The following CCDC178 variants were observed in gnomAD, a reference collection of about 807,000 sequenced individuals.
CCDC178 encodes coiled-coil domain containing 178.
In CCDC178, 126 loss-of-function variants were observed where a neutral mutation model predicts 117.4. The observed-to-expected ratio is 1.07, with a 90% CI of 0.93 to 1.24. The LOEUF (loss-of-function observed/expected upper bound fraction) is 1.24, where lower values mean the gene tolerates loss of function less well. CCDC178 is among the 50% of genes most tolerant of loss of function. CCDC178 has a pLI of 0.00. For missense variants in CCDC178, 1,030 were observed against 986.9 expected, an observed-to-expected ratio of 1.04 and a Z score of -0.59; for synonymous variants, 283 against 313.4, an observed-to-expected ratio of 0.90 and a Z score of 1.02.
At chr18:33,129,601 T>C (rs2058047528) in intron 20 of CCDC178, among the ~76,000 whole-genome samples, 1 of 151,960 alleles carries the variant, frequency 6.6e-6, no homozygotes, top group Non-Finnish European at 1.5e-5. Flanking sequence ...ATGCTAAAAC[T>C]TGGATATGGT....
intron 21 of CCDC178, among the ~76,000 whole-genome samples, chr18:33,088,176 T>C (rs1258949792): frequency 6.6e-6 from 1 of 151,388 alleles, no homozygotes; most frequent in Non-Finnish European, 1.5e-5. Flanking sequence ...CACATTTCTA[T>C]GTCTTCTATA....
At chr18:33,222,486 G>A (rs156365) in intron 18 of CCDC178, among the ~76,000 whole-genome samples, 24,431 of 151,974 alleles carry the variant, frequency 0.16, 2,740 homozygotes, top group African/African-American at 0.32. Flanking sequence ...GTCTCATGAA[G>A]CTTCACCCTC....
chr18:33,073,064 C>T (rs1475620393), intron 21 of CCDC178, among the ~76,000 whole-genome samples: 1 of 152,092 alleles, frequency 6.6e-6, no homozygotes, highest in African/African-American at 2.4e-5. Flanking sequence ...AAATTTATTT[C>T]TCAGTGCTCA....
rs371866883 is a variant in CCDC178, at chr18:33,333,391, T to G, written c.662A>C (p.His221Pro). 21 of 1,565,740 alleles carry G rather than the reference T, an allele frequency of 1.3e-5. No homozygotes were observed. The highest frequency in any genetic ancestry group is 1.8e-5 in the Non-Finnish European group (21 of 1,142,416). The change falls in exon 10 of 23, where the codon CAT becomes CCT. Residue 221 changes from histidine (H) to proline (P), a missense_variant. Transcript: ENST00000383096. ...QELPLAVQKE[H>P]EAYLSDVIEL... ...TATAACATCACTCAAATAGGCCTCATGTTCTAGATATAGAAGGATAAGAAC... is the reference window on the plus strand; with the variant it reads ...TATAACATCACTCAAATAGGCCTCAGGTTCTAGATATAGAAGGATAAGAAC...
chr18:33,415,772 A>T (rs2063931702), intron 2 of CCDC178, among the ~76,000 whole-genome samples: 1 of 152,168 alleles, frequency 6.6e-6, no homozygotes, highest in Admixed American at 6.5e-5. Context: ...TTTTGGGAAG[A>T]TGGAATAGAT....
intron 21 of CCDC178, among the ~76,000 whole-genome samples, chr18:32,986,450 C>G (rs1277525753): frequency 6.6e-6 from 1 of 152,026 alleles, no homozygotes; most frequent in Non-Finnish European, 1.5e-5. Context: ...AGATGAAGAT[C>G]TATTAACTTC....
chr18:33,303,020 C>T (rs1730820042), intron 11 of CCDC178, among the ~76,000 whole-genome samples: 3 of 152,078 alleles, frequency 2.0e-5, no homozygotes, highest in East Asian at 3.9e-4. Flanking sequence ...GGAATGTTCC[C>T]AACATGAGAA....
intron 7 of CCDC178, among the ~76,000 whole-genome samples, chr18:33,353,037 T>C (rs1265408141): frequency 6.6e-6 from 1 of 152,108 alleles, no homozygotes; most frequent in African/African-American, 2.4e-5. Context: ...TGTAGAACAG[T>C]CTATTATTCC....
intron 15 of CCDC178, among the ~76,000 whole-genome samples, chr18:33,234,721 C>A (rs1008345252): frequency 6.6e-6 from 1 of 152,040 alleles, no homozygotes; most frequent in Non-Finnish European, 1.5e-5. Context: ...AATGGTCAAT[C>A]TTAGCCATTA....
At chr18:33,220,929 A>T (rs1002915098) in intron 18 of CCDC178, among the ~76,000 whole-genome samples, 1 of 151,906 alleles carries the variant, frequency 6.6e-6, no homozygotes, top group Non-Finnish European at 1.5e-5. Context: ...TACCAAGGAT[A>T]CTCTCTTAAG....
rs185835309 is a variant in CCDC178 at position 33,393,751 on chromosome 18, G to A, written c.118+3398C>T. Among the ~76,000 whole-genome samples the A allele has an allele frequency of 3.4e-3, 510 of 152,074 alleles. 14 individuals carry two copies. Among genetic ancestry groups the A allele is most frequent in the Admixed American group, 0.032 (491 of 15,272 alleles). On this transcript the variant is annotated intron_variant, in intron 4 of 22. Coordinates refer to ENST00000383096, the MANE Select transcript of CCDC178 (RefSeq NM_001105528.4). ...CTATTTTTCTGCTGATGGACATTTA[G>A]GTTGTTTCCAGTTTTCACTGTTATG...
At chr18:33,077,259 T>G (rs1035837517) in intron 21 of CCDC178, among the ~76,000 whole-genome samples, 1 of 152,180 alleles carries the variant, frequency 6.6e-6, no homozygotes, top group African/African-American at 2.4e-5. Context: ...GACTGCTAGC[T>G]CTGGTTCCCA....
intron 14 of CCDC178, among the ~76,000 whole-genome samples, chr18:33,261,146 C>G (rs1359152531): frequency 6.6e-6 from 1 of 151,912 alleles, no homozygotes; most frequent in Admixed American, 6.6e-5. Flanking sequence ...TGCAGTGGCA[C>G]GAGCTCGGCT....
chr18:33,005,811 C>A (rs966275105), intron 21 of CCDC178, among the ~76,000 whole-genome samples: 2 of 151,880 alleles, frequency 1.3e-5, no homozygotes, highest in Admixed American at 6.6e-5. Flanking sequence ...TCTGTGTACA[C>A]AAAGAAAGTA....
At chr18:33,393,383 TG>T (rs1451331687) in intron 4 of CCDC178, among the ~76,000 whole-genome samples, 3 of 152,158 alleles carry the variant, frequency 2.0e-5, no homozygotes, top group Non-Finnish European at 4.4e-5. Flanking sequence ...ATAGCATACA[TG>T]GAAGAAAATG....
rs150376904 is a variant in CCDC178 at position 33,035,783 on chromosome 18, T to C, written c.2388+56978A>G. ...TAATATATCAAATCATCACATTGTATACCTTGATTATATATAATCTTTATT... is the reference window on the plus strand; with the variant it reads ...TAATATATCAAATCATCACATTGTACACCTTGATTATATATAATCTTTATT... On this transcript the variant is annotated intron_variant, in intron 21 of 22. Transcript: ENST00000383096. Among the ~76,000 whole-genome samples the C allele has an allele frequency of 2.2e-4, 34 of 152,154 alleles. No homozygotes were observed. The East Asian group carries it at 6.0e-3, about 27-fold the overall frequency.
intron 22 of CCDC178, among the ~76,000 whole-genome samples, chr18:32,941,247 T>G (rs1160587278): frequency 6.6e-6 from 1 of 152,134 alleles, no homozygotes; most frequent in Non-Finnish European, 1.5e-5. Context: ...AACACTGTGA[T>G]GATAATTTCA....
rs1454322618 is a variant in CCDC178 at position 33,394,967 on chromosome 18, A to G, written c.118+2182T>C. Reference sequence around the variant, plus strand: ...TGTATATATATATATATATATATATATATATATATATATATATATATGTAT... The same window carrying G: ...TGTATATATATATATATATATATATGTATATATATATATATATATATGTAT... On this transcript the variant is annotated intron_variant, in intron 4 of 22. Transcript: ENST00000383096. Among the ~76,000 whole-genome samples the G allele has an allele frequency of 4.8e-4, 64 of 134,156 alleles. 1 individual carries two copies. The highest frequency in any genetic ancestry group is 1.4e-3 in the African/African-American group (53 of 36,862). 88.0% of individuals were successfully genotyped at this position (134,156 alleles called of 152,430 possible). A position where few individuals can be genotyped will look rare whatever the true frequency, so the allele number is the denominator to read the frequency against.
At chr18:33,372,741 TAGAA>T (rs1329163558) in intron 5 of CCDC178, among the ~76,000 whole-genome samples, 1 of 152,132 alleles carries the variant, frequency 6.6e-6, no homozygotes, top group Non-Finnish European at 1.5e-5. Context: ...GCAAATGAAA[TAGAA>T]AGACTATGTT....
Sources: allele counts gnomAD v4.1 joint callset (sites outside exome capture counted in the v4.1 genomes callset), GRCh38; gene constraint gnomAD v4.1.1; transcripts MANE v1.5; gene names NCBI Gene and HGNC (gene_info 2026-07-23, HGNC 2026-07-21).